OTUD7A: variants seen among roughly 807,000 people sequenced by gnomAD.
The protein encoded by OTUD7A is OTU deubiquitinase 7A.
Under a neutral mutation model 65.7 loss-of-function variants are expected in OTUD7A, and 12 were observed. The observed-to-expected ratio is 0.18, with a 90% CI of 0.12 to 0.30. OTUD7A has a LOEUF of 0.30. Ranked by LOEUF, OTUD7A falls within the 10% of genes least tolerant of loss-of-function variation. The pLI, the probability that OTUD7A is intolerant of heterozygous loss-of-function variation, is 1.00. For missense variants in OTUD7A, 1,148 were observed against 1,304.8 expected (o/e 0.88, Z 1.85); for synonymous variants, 641 against 586.3 (o/e 1.09, Z -1.35).
chr15:31,786,190 C>T (rs1417351624), intron 1 of OTUD7A, among the ~76,000 whole-genome samples: 1 of 152,158 alleles, frequency 6.6e-6, no homozygotes, highest in Non-Finnish European at 1.5e-5. Flanking sequence ...GACTTCTCAG[C>T]CTCCATAACT....
intron 1 of OTUD7A, among the ~76,000 whole-genome samples, chr15:31,772,348 C>T (rs1412231170): frequency 6.6e-6 from 1 of 152,042 alleles, no homozygotes. Context: ...GAGGGCAATG[C>T]TATGCCTTTT....
chr15:31,501,619 A>G (rs1163213787), intron 10 of OTUD7A, 71 bp downstream of exon 10: 1 of 1,589,098 alleles, frequency 6.3e-7, no homozygotes, highest in Non-Finnish European at 8.6e-7. Context: ...TCCCCGTGCA[A>G]TGGGGTCCCT....
At chr15:31,855,139 T>C (rs1897535794) in intron 1 of OTUD7A, among the ~76,000 whole-genome samples, 1 of 152,200 alleles carries the variant, frequency 6.6e-6, no homozygotes, top group Non-Finnish European at 1.5e-5. Context: ...TAAACTGACT[T>C]ATCTCTGTCA....
At chr15:31,767,775 T>A in intron 1 of OTUD7A, 1 of 713,370 alleles carries the variant, frequency 1.4e-6, no homozygotes, top group East Asian at 2.6e-5. Context: ...TCAGCAGTTC[T>A]ACGAGATAAG....
At chr15:31,643,527 T>C (rs531560048) in intron 3 of OTUD7A, among the ~76,000 whole-genome samples, 43 of 152,368 alleles carry the variant, frequency 2.8e-4, no homozygotes, top group African/African-American at 9.6e-4. Context: ...CATGTCAGTA[T>C]GTACCTTATT....
intron 1 of OTUD7A, among the ~76,000 whole-genome samples, chr15:31,727,125 T>A (rs1328286983): frequency 6.6e-6 from 1 of 152,192 alleles, no homozygotes; most frequent in Middle Eastern, 3.2e-3. Context: ...AGGTCTCAAA[T>A]CCATCACCCC....
Position 31,476,117 on chromosome 15 carries a change from G to A in OTUD7A, c.*7177C>T, listed in dbSNP as rs1436816029. 6.6e-6 allele frequency: 1 copy of A among 152,230 alleles called. No homozygotes were observed. The highest frequency in any genetic ancestry group is 1.5e-5 in the Non-Finnish European group (1 of 68,044). 9.4% of individuals were successfully genotyped at this position (152,230 alleles called of 1,614,324 possible). ...TTAGTCCCTCTGTGGACCCAGCTAA[G>A]CCTGCTCCTTGCTCCTAACAGCGCC... is the stretch of plus-strand genomic sequence containing the variant. On this transcript the variant is annotated 3_prime_UTR_variant, in exon 13 of 13. Transcript: ENST00000307050.
At chr15:31,530,930 C>T in intron 5 of OTUD7A, 122 bp from the exon 6 acceptor site, 1 of 629,962 alleles carries the variant, frequency 1.6e-6, no homozygotes, top group South Asian at 2.5e-5. Flanking sequence ...AAAGGGGGAA[C>T]ATTATGGCTA....
At chr15:31,497,018 C>T (rs1003022353) in intron 10 of OTUD7A, among the ~76,000 whole-genome samples, 5 of 152,110 alleles carry the variant, frequency 3.3e-5, no homozygotes, top group Admixed American at 1.3e-4. Context: ...AGTCTGCAGC[C>T]GTTTCAGAGC....
chr15:31,827,934 C>CA (rs958786488), intron 1 of OTUD7A, among the ~76,000 whole-genome samples: 78 of 147,238 alleles, frequency 5.3e-4, no homozygotes, highest in Admixed American at 1.6e-3. Context: ...GATTCCATCT[C>CA]AAAAAAAAAA....
chr15:31,587,376 G>A (rs1595631434), intron 3 of OTUD7A, among the ~76,000 whole-genome samples: 1 of 151,996 alleles, frequency 6.6e-6, no homozygotes, highest in African/African-American at 2.4e-5. Context: ...GGTGGCTCAC[G>A]CCTGTAATCC....
chr15:31,801,820 G>A (rs763826438), intron 1 of OTUD7A, among the ~76,000 whole-genome samples: 59 of 152,050 alleles, frequency 3.9e-4, no homozygotes, highest in African/African-American at 1.1e-3. Context: ...TTAAAATACT[G>A]TCATGATAAA....
chr15:31,535,252 TAGTG>T (rs1296113928), intron 5 of OTUD7A, among the ~76,000 whole-genome samples: 13 of 152,254 alleles, frequency 8.5e-5, no homozygotes, highest in Admixed American at 5.2e-4. Context: ...GTTCTCATGA[TAGTG>T]AGTGAGTTCT....
At chr15:31,588,649 C>G (rs1247798178) in intron 3 of OTUD7A, among the ~76,000 whole-genome samples, 2 of 152,194 alleles carry the variant, frequency 1.3e-5, no homozygotes, top group Non-Finnish European at 2.9e-5. Flanking sequence ...CACAAAAGGC[C>G]TATTCCTTTC....
At chr15:31,827,921 C>A (rs1345091628) in intron 1 of OTUD7A, among the ~76,000 whole-genome samples, 1 of 151,750 alleles carries the variant, frequency 6.6e-6, no homozygotes, top group Non-Finnish European at 1.5e-5. Context: ...GGTGACAGAA[C>A]AAGATTCCAT....
intron 1 of OTUD7A, among the ~76,000 whole-genome samples, chr15:31,816,849 C>T (rs568209218): frequency 6.6e-6 from 1 of 152,278 alleles, no homozygotes; most frequent in African/African-American, 2.4e-5. Context: ...TGCACTCATG[C>T]CTGCGTGTCC....
intron 9 of OTUD7A, among the ~76,000 whole-genome samples, chr15:31,502,090 C>T (rs574400501): frequency 5.3e-5 from 8 of 152,302 alleles, no homozygotes; most frequent in East Asian, 3.9e-4. Context: ...GACAGTCACC[C>T]GAGATTGGTC....
rs2041109597 is a variant in OTUD7A at position 31,481,022 on chromosome 15, A to C, written c.*2272T>G. Reference sequence around the variant, plus strand: ...AATTACGTACTCTGCCTGGTTTGGAAGGTTTTCCTCTATTACAATGGACGG... The same window carrying C: ...AATTACGTACTCTGCCTGGTTTGGACGGTTTTCCTCTATTACAATGGACGG... On this transcript the variant is annotated 3_prime_UTR_variant, in exon 13 of 13. Transcript: ENST00000307050. 6.6e-6 allele frequency: 1 copy of C among 152,200 alleles called. No individual in the cohort carries two copies. The highest frequency in any genetic ancestry group is 1.5e-5 in the Non-Finnish European group (1 of 68,024). The allele number at this position is 152,200 out of a possible 1,614,324, so 9.4% of individuals were successfully genotyped here. A position where few individuals can be genotyped will look rare whatever the true frequency, so the allele number is the denominator to read the frequency against.
Position 31,476,236 on chromosome 15 carries a change from G to A in OTUD7A, c.*7058C>T, listed in dbSNP as rs1360249693. On this transcript the variant is annotated 3_prime_UTR_variant, in exon 13 of 13. Coordinates refer to ENST00000307050, the MANE Select transcript of OTUD7A (RefSeq NM_001382637.1). ...CGGTGACTGGCTCTGTCAGAGGTGG[G>A]GCTTGCCTCTGTGTGTACAGGGGCT... 1 of 152,254 alleles carries A rather than the reference G, an allele frequency of 6.6e-6. No homozygotes were observed. The highest frequency in any genetic ancestry group is 1.5e-5 in the Non-Finnish European group (1 of 68,056). 9.4% of individuals were successfully genotyped at this position (152,254 alleles called of 1,614,324 possible).
Sources: gnomAD v4.1 joint callset for allele counts (sites outside exome capture counted in the v4.1 genomes callset) on GRCh38, gnomAD v4.1.1 for gene constraint, MANE v1.5 for transcripts, NCBI Gene and HGNC (gene_info 2026-07-23, HGNC 2026-07-21) for gene names.